NEB: variants seen among roughly 807,000 people sequenced by gnomAD.
The protein encoded by NEB is nemaline myopathy type 2.
Under a neutral mutation model 952.2 loss-of-function variants are expected in NEB, and 512 were observed. The ratio of observed to expected loss-of-function variants is 0.54; its 90% confidence interval spans 0.50 to 0.58. The LOEUF (loss-of-function observed/expected upper bound fraction) is 0.58. NEB is among the 20% of genes least tolerant of loss of function. The pLI is 0.00. For missense variants in NEB, 8,428 were observed against 9,231.1 expected, an observed-to-expected ratio of 0.91 and a Z score of 3.56; for synonymous variants, 2,900 against 3,149.8, an observed-to-expected ratio of 0.92 and a Z score of 2.66.
At chr2:151,709,825 G>T in intron 11 of NEB, 62 bp from the exon 12 acceptor site, 2 of 1,282,536 alleles carry the variant, frequency 1.6e-6, no homozygotes, top group South Asian at 1.3e-5. Flanking sequence ...GAATTTCCAT[G>T]AGAAGACACA....
At chr2:151,546,907 GT>G (rs971026360) in intron 133 of NEB, among the ~76,000 whole-genome samples, 1 of 151,772 alleles carries the variant, frequency 6.6e-6, no homozygotes, top group Non-Finnish European at 1.5e-5. Context: ...AATAAGTCAT[GT>G]TTTTTTTCAT....
chr2:151,575,180 T>C (rs992107670), intron 107 of NEB, among the ~76,000 whole-genome samples: 100 of 152,308 alleles, frequency 6.6e-4, no homozygotes, highest in African/African-American at 2.3e-3. Context: ...CACTTGAAAG[T>C]AGGAAGAAAA....
Position 151,513,584 on chromosome 2 carries a change from C to T in NEB, c.23237G>A (p.Ser7746Asn), listed in dbSNP as rs1205597519. The T allele has an allele frequency of 6.2e-7, 1 of 1,602,636 alleles. No individual in the cohort carries two copies. The highest frequency in any genetic ancestry group is 8.5e-7 in the Non-Finnish European group (1 of 1,173,416). Residue 7746 changes from serine (S) to asparagine (N), a missense_variant, in exon 160 of 182, where the codon AGT (serine) becomes AAT (asparagine). By Grantham distance (46) the Ser-to-Asn change is conservative. Transcript: ENST00000397345. The part of the protein sequence containing the change: ...MRARNATDIA[S>N]QIKYKQSAEM... ...ACATCGAATAGTAGCACTGACCTGA[C>T]TGGCAATATCAGTAGCATTCCTGGC... is the stretch of plus-strand genomic sequence containing the variant.
chr2:151,621,002 C>T lies in NEB; in HGVS notation c.10477G>A (p.Glu3493Lys). 1 of 1,611,182 alleles carries T rather than the reference C, an allele frequency of 6.2e-7. No individual in the cohort carries two copies. Among genetic ancestry groups the T allele is most frequent in the African/African-American group, 1.3e-5 (1 of 75,032 alleles). ...AAGTCATAGCCTTCTTTCTTGGCTTCTTCCATGGCCTGACGATAGAGGCTC... is the reference window on the plus strand; with the variant it reads ...AAGTCATAGCCTTCTTTCTTGGCTTTTTCCATGGCCTGACGATAGAGGCTC... Reference protein sequence around the residue: ...SESLYRQAMEEAKKEGYDLRS... With the variant: ...SESLYRQAMEKAKKEGYDLRS... Residue 3493 changes from glutamate (E) to lysine (K), a missense_variant, in exon 72 of 182, where the codon GAA becomes AAA. Coordinates refer to ENST00000397345, the MANE Select transcript of NEB (RefSeq NM_001164508.2).
intron 46 of NEB, among the ~76,000 whole-genome samples, chr2:151,661,766 C>T (rs775553378): frequency 1.2e-4 from 19 of 152,158 alleles, no homozygotes; most frequent in Admixed American, 1.2e-3. Flanking sequence ...AAGCAGAAAG[C>T]AAGCTGGGGT....
At chr2:151,579,080 C>CAAAAAA (rs1159995102) in intron 105 of NEB, among the ~76,000 whole-genome samples, 1 of 31,712 alleles carries the variant, frequency 3.2e-5, no homozygotes, top group Non-Finnish European at 5.5e-5. Flanking sequence ...GACTCCATCT[C>CAAAAAA]AAAAAAAAAA....
chr2:151,529,534 A>AT (rs202085388), intron 145 of NEB, among the ~76,000 whole-genome samples: 38,172 of 144,714 alleles, frequency 0.26, 5,971 homozygotes, highest in Admixed American at 0.4. Context: ...TTGCCATATA[A>AT]TTTTTTTTTT....
intron 54 of NEB, among the ~76,000 whole-genome samples, chr2:151,646,493 A>C (rs926884700): frequency 1.3e-5 from 2 of 152,194 alleles, no homozygotes; most frequent in African/African-American, 4.8e-5. Context: ...AGGTAATTAC[A>C]TGCCTTGCCA....
chr2:151,539,227 A>T (rs1167241145), intron 138 of NEB, among the ~76,000 whole-genome samples: 1 of 152,182 alleles, frequency 6.6e-6, no homozygotes, highest in Admixed American at 6.5e-5. Flanking sequence ...TAAATATTCA[A>T]CAGTAACTTT....
rs781020561 is a variant in NEB at position 151,538,165 on chromosome 2, C to T, written c.20972G>A (p.Arg6991His). Residue 6991 changes from arginine to histidine, a missense_variant, in exon 139 of 182, where the codon CGC becomes CAC. Arg to His is a conservative substitution (Grantham distance 29). Around this residue, in one of 11 missense-constraint regions of NEB, gnomAD observed 3,374 missense variants for 3,651.5 expected, o/e 0.92. Transcript: ENST00000397345. ...TTTACTGATGTCATCTGTGACTTTG[C>T]GATGATAGACAATGTCTAGGGCATC... The part of the protein sequence containing the change: ...VKDALDIVYH[R>H]KVTDDISKIK... 4.6e-5 allele frequency: 74 copies of T among 1,611,128 alleles called. 1 individual carries two copies. The Middle Eastern group carries it at 2.3e-3, about 50-fold the overall frequency.
At chr2:151,543,298 G>C (rs986281256) in intron 135 of NEB, among the ~76,000 whole-genome samples, 1 of 152,162 alleles carries the variant, frequency 6.6e-6, no homozygotes, top group African/African-American at 2.4e-5. Flanking sequence ...CAGATAAAAC[G>C]TAAGAAACAC....
rs777103145 is a variant in NEB at position 151,666,296 on chromosome 2, G to A, written c.4825C>T (p.Gln1609Ter). The change falls in exon 41 of 182, where the codon CAG becomes TAG. Residue 1609 changes from glutamine (Q) to a stop codon, truncating the protein, a stop_gained. Transcript: ENST00000397345. LOFTEE classifies it high-confidence loss of function. Reference protein sequence around the residue: ...LVHYMNVAKIQSDREYKKGYE... With the variant: ...LVHYMNVAKI ...CCCTTTTTGTACTCACGATCAGACT[G>A]GATTTTGGCCACATTCATGTAGTGA... 6.2e-7 allele frequency: 1 copy of A among 1,613,892 alleles called. No individual in the cohort carries two copies. Among genetic ancestry groups the A allele is most frequent in the South Asian group, 1.1e-5 (1 of 91,080 alleles).
chr2:151,680,812 T>A lies in NEB; in HGVS notation c.2960A>T (p.His987Leu), dbSNP rs1435602930. The A allele has an allele frequency of 6.2e-7, 1 of 1,612,814 alleles. No individual in the cohort carries two copies. Among genetic ancestry groups the A allele is most frequent in the Admixed American group, 1.7e-5 (1 of 60,008 alleles). ...DILNEKKYRQ[H>L]PDTLKFTSIE... The stretch of plus-strand genomic sequence containing the variant: ...CGAGGTAAACTTGAGGGTGTCTGGA[T>A]GTTGGCGATATTTTTTCTGTTTGGC... The change falls in exon 30 of 182, where the codon CAT becomes CTT. Residue 987 changes from histidine (H) to leucine (L), a missense_variant. This residue lies in a region of NEB where 2,851 missense variants were observed against 2,791.5 expected (regional missense o/e 1.02). Transcript: ENST00000397345.
intron 128 of NEB, among the ~76,000 whole-genome samples, 170 bp downstream of exon 128, chr2:151,552,502 G>A (rs910183687): frequency 1.3e-5 from 2 of 152,146 alleles, no homozygotes; most frequent in African/African-American, 4.8e-5. Context: ...GAATGCATCA[G>A]GTTTCAGGAA....
intron 170 of NEB, 181 bp downstream of exon 170, chr2:151,498,079 T>C: frequency 6.8e-7 from 1 of 1,466,200 alleles, no homozygotes; most frequent in Non-Finnish European, 9.0e-7. Context: ...TTTGTAAATA[T>C]CAGATGAAGT....
chr2:151,535,654 T>C, intron 142 of NEB, 37 bp downstream of exon 142: 1 of 1,317,624 alleles, frequency 7.6e-7, no homozygotes, highest in Non-Finnish European at 1.1e-6. Context: ...TTTAGGGAAT[T>C]GAATAGGCTT....
intron 153 of NEB, among the ~76,000 whole-genome samples, chr2:151,523,147 A>G (rs1006913890): frequency 3.9e-5 from 6 of 151,912 alleles, no homozygotes; most frequent in Admixed American, 2.0e-4. Context: ...AGTTCTTGTT[A>G]CATCTCATTA....
chr2:151,674,521 T>G lies in NEB; in HGVS notation c.3943A>C (p.Ile1315Leu). 1 of 1,614,030 alleles carries G rather than the reference T, an allele frequency of 6.2e-7. No homozygotes were observed. Among genetic ancestry groups the G allele is most frequent in the African/African-American group, 1.3e-5 (1 of 75,070 alleles). ...GATGCCTTGGCTGCAGTGATGGGAA[T>G]AGCATCGCCCAGCACATTGTTGCCC... is the stretch of plus-strand genomic sequence containing the variant. ...AKGNNVLGDA[I>L]PITAAKASRN... The change falls in exon 36 of 182, where the codon ATT (isoleucine) becomes CTT (leucine). Residue 1315 changes from isoleucine to leucine, a missense_variant. Coordinates refer to ENST00000397345, the MANE Select transcript of NEB (RefSeq NM_001164508.2).
At position 151,710,896 on chromosome 2, in the gene NEB, T is replaced by G. The variant is rs191913719; in HGVS notation, c.823-358A>C. On this transcript the variant is annotated intron_variant, in intron 10 of 181. Transcript: ENST00000397345. ...ACAACCTATCAACCTGAGATTTCTA[T>G]GCCAAATGAACTTAGCCGTTAATTT... Among the ~76,000 whole-genome samples the G allele has an allele frequency of 1.1e-4, 17 of 152,360 alleles. No homozygotes were observed. In the East Asian group the frequency reaches 3.1e-3, roughly 28 times the overall value.
Sources: allele counts gnomAD v4.1 joint callset (sites outside exome capture counted in the v4.1 genomes callset), GRCh38; gene constraint gnomAD v4.1.1; regional missense constraint gnomAD v4.1.1; transcripts MANE v1.5; gene names NCBI Gene and HGNC (gene_info 2026-07-23, HGNC 2026-07-21).